SAMMSON: variants seen among roughly 807,000 people sequenced by gnomAD.
SAMMSON encodes survival associated mitochondrial melanoma specific oncogenic non-coding RNA.
chr3:70,003,322 C>A (rs75974586), intron 1 of SAMMSON, among the ~76,000 whole-genome samples: 1 of 152,000 alleles, frequency 6.6e-6, no homozygotes, highest in Non-Finnish European at 1.5e-5. Flanking sequence ...GCATTTAGTA[C>A]ATTTATAGTT....
intron 7 of SAMMSON, among the ~76,000 whole-genome samples, chr3:70,295,111 G>A (rs572545748): frequency 6.6e-6 from 1 of 152,162 alleles, no homozygotes; most frequent in Non-Finnish European, 1.5e-5. Flanking sequence ...GGTTAAACCA[G>A]TCAGAATTCT....
intron 3 of SAMMSON, among the ~76,000 whole-genome samples, chr3:70,041,374 G>A (rs1008233063): frequency 3.9e-5 from 6 of 152,014 alleles, no homozygotes; most frequent in South Asian, 2.1e-4. Flanking sequence ...CTGCTTCTAC[G>A]TTAAAATTTA....
chr3:70,169,306 A>G (rs905764027), intron 4 of SAMMSON, among the ~76,000 whole-genome samples: 10 of 152,074 alleles, frequency 6.6e-5, no homozygotes, highest in African/African-American at 2.4e-4. Flanking sequence ...TCATTGAGTG[A>G]AGGCTATTCA....
At chr3:70,172,895 C>T (rs543410196) in intron 4 of SAMMSON, 4 of 151,962 alleles carry the variant, frequency 2.6e-5, no homozygotes, top group Non-Finnish European at 5.9e-5. Flanking sequence ...TTTAACTGTT[C>T]GTTTTTAATA....
intron 4 of SAMMSON, among the ~76,000 whole-genome samples, chr3:70,112,986 A>G (rs2067395742): frequency 6.6e-6 from 1 of 152,172 alleles, no homozygotes; most frequent in African/African-American, 2.4e-5. Flanking sequence ...ATAGCAGTTG[A>G]ACATGTCTGG....
In SAMMSON at chr3:70,242,340, A is replaced by G. The variant is rs548705935; in HGVS notation, n.508-6767A>G. 3.9e-5 allele frequency among the ~76,000 whole-genome samples: 6 copies of G among 152,286 alleles called. No homozygotes were observed. The South Asian group carries it at 1.2e-3, about 32-fold the overall frequency. On this transcript the variant is annotated intron_variant and non_coding_transcript_variant, in intron 4 of 9. Coordinates refer to ENST00000642114, the Ensembl canonical transcript of SAMMSON. ...ACATCCTCTTGATCTTTTTGCAAAA[A>G]CACAGCTATGATTTTGTCAGTTTTT...
At position 70,380,928 on chromosome 3, in the gene SAMMSON, T is replaced by C. The variant is rs200260130; in HGVS notation, n.914-8646T>C. ...ATGGTGTATATGTGCCACATTTTCT[T>C]AATCCAGTCTATCATTGATGGACAT... On this transcript the variant is annotated intron_variant and non_coding_transcript_variant, in intron 9 of 9. Transcript: ENST00000642114. 5.1e-4 allele frequency among the ~76,000 whole-genome samples: 78 copies of C among 152,334 alleles called. No homozygotes were observed. The East Asian group carries it at 0.014, about 27-fold the overall frequency.
chr3:70,278,830 T>C (rs983570200), intron 6 of SAMMSON, among the ~76,000 whole-genome samples: 2 of 151,976 alleles, frequency 1.3e-5, no homozygotes, highest in African/African-American at 4.8e-5. Flanking sequence ...CTATAAAGGA[T>C]AGCAAGCCAC....
chr3:70,156,179 G>T (rs919016661), intron 4 of SAMMSON, among the ~76,000 whole-genome samples: 2 of 151,998 alleles, frequency 1.3e-5, no homozygotes, highest in African/African-American at 4.8e-5. Context: ...CTAACCAGGT[G>T]GTATCTTTGA....
At chr3:70,258,189 T>C (rs572986340) in intron 6 of SAMMSON, among the ~76,000 whole-genome samples, 3 of 152,200 alleles carry the variant, frequency 2.0e-5, no homozygotes, top group African/African-American at 7.2e-5. Context: ...TGTTCTAGAA[T>C]AAAATATAGG....
intron 4 of SAMMSON, chr3:70,120,827 C>T (rs1223390560): frequency 6.6e-6 from 1 of 152,246 alleles, no homozygotes; most frequent in Non-Finnish European, 1.5e-5. Context: ...GCACCAGGGA[C>T]TAGTTTTATG....
intron 4 of SAMMSON, among the ~76,000 whole-genome samples, chr3:70,116,515 GT>G (rs1001423705): frequency 6.6e-6 from 1 of 151,130 alleles, no homozygotes; most frequent in Admixed American, 6.6e-5. Flanking sequence ...GCCAGTGACA[GT>G]TTTTTTTTAT....
chr3:70,020,019 C>G (rs182781442), intron 3 of SAMMSON, among the ~76,000 whole-genome samples: 1 of 152,174 alleles, frequency 6.6e-6, no homozygotes, highest in African/African-American at 2.4e-5. Context: ...TTGCTTGGCT[C>G]TCTTTTCACA....
chr3:70,288,771 A>C (rs1002997633), intron 6 of SAMMSON, among the ~76,000 whole-genome samples: 3 of 151,880 alleles, frequency 2.0e-5, no homozygotes, highest in African/African-American at 7.3e-5. Flanking sequence ...TATTTAGGAT[A>C]GTTAGCTCTT....
intron 7 of SAMMSON, among the ~76,000 whole-genome samples, chr3:70,314,471 T>C (rs1010825353): frequency 3.3e-5 from 5 of 152,168 alleles, no homozygotes; most frequent in Non-Finnish European, 5.9e-5. Context: ...AAAAGCAAAT[T>C]ATCTAAACTT....
At position 70,194,875 on chromosome 3, in the gene SAMMSON, A is replaced by G. The variant is rs1351149897; in HGVS notation, n.508-54232A>G. 2.0e-5 allele frequency among the ~76,000 whole-genome samples: 3 copies of G among 152,150 alleles called. No homozygotes were observed. The East Asian group carries it at 5.8e-4, about 29-fold the overall frequency. On this transcript the variant is annotated intron_variant and non_coding_transcript_variant, in intron 4 of 9. Transcript: ENST00000642114. ...CCCAGGTGTTCCTCCTTTAGTGACT[A>G]GACCACGGGTAGAGGGGTGGGTGCT...
intron 2 of SAMMSON, among the ~76,000 whole-genome samples, chr3:70,013,011 G>C (rs1283745590): frequency 2.0e-5 from 3 of 152,114 alleles, no homozygotes; most frequent in African/African-American, 7.2e-5. Context: ...AGATCATCTA[G>C]TTTTGAAACA....
At chr3:70,090,360 G>A (rs115750487) in intron 4 of SAMMSON, among the ~76,000 whole-genome samples, 78 of 152,236 alleles carry the variant, frequency 5.1e-4, no homozygotes, top group African/African-American at 1.7e-3. Flanking sequence ...TCAGAGACTT[G>A]CTCTTACTGT....
intron 3 of SAMMSON, among the ~76,000 whole-genome samples, chr3:70,019,567 A>G (rs565106970): frequency 2.8e-4 from 42 of 152,292 alleles, no homozygotes; most frequent in African/African-American, 9.9e-4. Flanking sequence ...TAATTGGAGC[A>G]TTTAGCCCAT....
Sources: gnomAD v4.1 joint callset for allele counts (sites outside exome capture counted in the v4.1 genomes callset) on GRCh38, gnomAD v4.1.1 for gene constraint, MANE v1.5 for transcripts, NCBI Gene and HGNC (gene_info 2026-07-23, HGNC 2026-07-21) for gene names.